GPC3: variants seen among roughly 807,000 people sequenced by gnomAD.
GPC3 encodes glypican 3.
Under a neutral mutation model 34.4 loss-of-function variants are expected in GPC3, and 3 were observed. The observed-to-expected ratio is 0.09, with a 90% CI of 0.04 to 0.23. GPC3 has a LOEUF of 0.23. Among genes scored for constraint, GPC3 ranks in the 10% least tolerant of loss-of-function variants. The probability of loss-of-function intolerance (pLI) is 1.00; values close to 1 mark genes in which losing one functional copy is unlikely to be tolerated. For missense variants in GPC3, 351 were observed against 445.6 expected, an observed-to-expected ratio of 0.79 and a Z score of 1.91; for synonymous variants, 177 against 174.0, an observed-to-expected ratio of 1.02 and a Z score of -0.13.
intron 3 of GPC3, among the ~76,000 whole-genome samples, chrX:133,752,715 A>G (rs768215110): frequency 8.0e-5 from 9 of 112,245 alleles, no homozygotes; most frequent in Non-Finnish European, 1.5e-4. Flanking sequence ...TCCATCACGA[A>G]TTTCATCAGA....
intron 3 of GPC3, among the ~76,000 whole-genome samples, chrX:133,736,615 T>A (rs886465449): frequency 8.9e-6 from 1 of 112,430 alleles, no homozygotes; most frequent in Non-Finnish European, 1.9e-5. Context: ...AAGAGGCAGA[T>A]GCAAAAGGCC....
chrX:133,555,970 C>A (rs1569381336), intron 7 of GPC3, among the ~76,000 whole-genome samples: 1 of 111,839 alleles, frequency 8.9e-6, no homozygotes, highest in Non-Finnish European at 1.9e-5. Context: ...CAGAAACCTG[C>A]CAGCCACCCC....
intron 2 of GPC3, among the ~76,000 whole-genome samples, chrX:133,842,795 C>G (rs1292340179): frequency 9.0e-6 from 1 of 110,701 alleles, no homozygotes; most frequent in Non-Finnish European, 1.9e-5. Flanking sequence ...GGTGTGATAG[C>G]CAGCTTCCAA....
intron 3 of GPC3, among the ~76,000 whole-genome samples, chrX:133,734,570 A>G (rs1260803794): frequency 9.0e-6 from 1 of 110,649 alleles, no homozygotes; most frequent in Non-Finnish European, 1.9e-5. Context: ...GAAAGAAGAA[A>G]AAAAAAGAGA....
At chrX:133,914,256 C>T (rs1398527051) in intron 2 of GPC3, among the ~76,000 whole-genome samples, 1 of 110,958 alleles carries the variant, frequency 9.0e-6, no homozygotes, top group Non-Finnish European at 1.9e-5. Context: ...ATAATACTAG[C>T]TACTATTTAT....
chrX:133,783,289 G>A (rs373539945), intron 2 of GPC3, among the ~76,000 whole-genome samples: 19 of 111,948 alleles, frequency 1.7e-4, no homozygotes, highest in African/African-American at 5.2e-4. Context: ...CCACTGTGTA[G>A]TTTGCAAAGC....
At chrX:133,790,001 A>G (rs2072143424) in intron 2 of GPC3, among the ~76,000 whole-genome samples, 1 of 111,892 alleles carries the variant, frequency 8.9e-6, no homozygotes, top group Non-Finnish European at 1.9e-5. Context: ...AAATGAGGTC[A>G]GTGAATTGCA....
At chrX:133,622,739 C>T (rs769434366) in intron 6 of GPC3, among the ~76,000 whole-genome samples, 2 of 112,071 alleles carry the variant, frequency 1.8e-5, no homozygotes, top group East Asian at 5.6e-4. Context: ...TTGGAAAACA[C>T]TCTGCAGGAT....
chrX:133,718,752 T>A (rs2071336139), intron 3 of GPC3, among the ~76,000 whole-genome samples: 1 of 111,053 alleles, frequency 9.0e-6, no homozygotes, highest in African/African-American at 3.3e-5. Context: ...AAGTAAAGGA[T>A]AGAAAAAGAT....
intron 2 of GPC3, among the ~76,000 whole-genome samples, chrX:133,879,366 C>G (rs1046463615): frequency 9.0e-6 from 1 of 111,291 alleles, no homozygotes; most frequent in African/African-American, 3.3e-5. Context: ...AAAACTCAAA[C>G]AACCCAGTGA....
At chrX:133,784,422 TC>T (rs762520890) in intron 2 of GPC3, among the ~76,000 whole-genome samples, 15 of 111,332 alleles carry the variant, frequency 1.3e-4, no homozygotes, top group Non-Finnish European at 2.4e-4. Context: ...AAATTTGTAA[TC>T]AGGGAATTGA....
At chrX:133,672,231 C>T (rs557005565) in intron 5 of GPC3, among the ~76,000 whole-genome samples, 3 of 111,590 alleles carry the variant, frequency 2.7e-5, no homozygotes, top group African/African-American at 9.8e-5. Flanking sequence ...TCTGAAGAAA[C>T]CAACTTTGCA....
intron 2 of GPC3, among the ~76,000 whole-genome samples, chrX:133,778,914 T>A (rs972847291): frequency 1.8e-5 from 2 of 112,230 alleles, no homozygotes; most frequent in Non-Finnish European, 3.8e-5. Context: ...GCCTTTAGTG[T>A]TTTTTTACCC....
At chrX:133,866,729 CT>C (rs935136979) in intron 2 of GPC3, among the ~76,000 whole-genome samples, 22 of 109,522 alleles carry the variant, frequency 2.0e-4, no homozygotes, top group Admixed American at 2.9e-4. Context: ...TGGCTTTTTT[CT>C]TTTTTTTTGG....
intron 2 of GPC3, among the ~76,000 whole-genome samples, chrX:133,828,832 T>C (rs767704001): frequency 9.0e-6 from 1 of 111,287 alleles, no homozygotes; most frequent in South Asian, 3.8e-4. Flanking sequence ...GAATAGATTT[T>C]AAATGTTCTT....
At chrX:133,941,157 G>A (rs780691855) in intron 2 of GPC3, among the ~76,000 whole-genome samples, 2 of 112,477 alleles carry the variant, frequency 1.8e-5, no homozygotes, top group African/African-American at 6.4e-5. Flanking sequence ...TCACTGGCTG[G>A]GTTTCTTAAG....
intron 3 of GPC3, among the ~76,000 whole-genome samples, chrX:133,713,603 C>T (rs978722631): frequency 3.6e-5 from 4 of 111,912 alleles, no homozygotes; most frequent in African/African-American, 1.3e-4. Context: ...GAACTGAACA[C>T]TTTTTAAATG....
chrX:133,741,343 A>C (rs1179757747), intron 3 of GPC3, among the ~76,000 whole-genome samples: 2 of 111,516 alleles, frequency 1.8e-5, no homozygotes, highest in Non-Finnish European at 3.8e-5. Context: ...TATGAAGAAA[A>C]GCAGAGAAGA....
At chrX:133,606,816 G>C (rs1037957087) in intron 6 of GPC3, among the ~76,000 whole-genome samples, 3 of 111,409 alleles carry the variant, frequency 2.7e-5, no homozygotes, top group Non-Finnish European at 5.6e-5. Flanking sequence ...GTAATTATGG[G>C]GATTAAATGA....
Sources: allele counts gnomAD v4.1 joint callset (sites outside exome capture counted in the v4.1 genomes callset), GRCh38; gene constraint gnomAD v4.1.1; transcripts MANE v1.5; gene names NCBI Gene and HGNC (gene_info 2026-07-23, HGNC 2026-07-21).